Variants in PDE4D observed in about 807,000 individuals in gnomAD.
PDE4D encodes the protein phosphodiesterase 4D.
Under a neutral mutation model 87.4 loss-of-function variants are expected in PDE4D, and 24 were observed. The observed-to-expected ratio is 0.27, with a 90% CI of 0.20 to 0.39. The LOEUF is 0.39. Ranked by LOEUF, PDE4D falls within the 10% of genes least tolerant of loss-of-function variation. The pLI, the probability that PDE4D is intolerant of heterozygous loss-of-function variation, is 1.00. For missense variants in PDE4D, 714 were observed against 1,041.0 expected, an observed-to-expected ratio of 0.69 and a Z score of 4.32; for synonymous variants, 384 against 383.2, an observed-to-expected ratio of 1.00 and a Z score of -0.02.
At chr5:60,514,706 C>CA (rs959864166) in intron 1 of PDE4D, among the ~76,000 whole-genome samples, 3 of 149,702 alleles carry the variant, frequency 2.0e-5, no homozygotes, top group Admixed American at 6.6e-5. Context: ...AAGGTGTTTA[C>CA]AAAAAAAATT....
intron 1 of PDE4D, among the ~76,000 whole-genome samples, chr5:59,327,410 G>A (rs576894807): frequency 2.6e-5 from 4 of 152,076 alleles, no homozygotes; most frequent in Non-Finnish European, 5.9e-5. Context: ...CAGAGCCCAG[G>A]AGACTGGGGG....
At chr5:59,917,346 A>G (rs905928186) in intron 3 of PDE4D, among the ~76,000 whole-genome samples, 5 of 152,068 alleles carry the variant, frequency 3.3e-5, no homozygotes, top group East Asian at 3.9e-4. Context: ...GCTGGTCTCA[A>G]TGGGGAACAA....
intron 1 of PDE4D, among the ~76,000 whole-genome samples, chr5:59,754,498 C>G (rs1195260004): frequency 6.6e-6 from 1 of 152,096 alleles, no homozygotes; most frequent in South Asian, 2.1e-4. Flanking sequence ...GGGCCTTGTG[C>G]TGGATTGAAT....
At chr5:60,048,866 G>A (rs1270276469) in intron 2 of PDE4D, among the ~76,000 whole-genome samples, 1 of 152,130 alleles carries the variant, frequency 6.6e-6, no homozygotes, top group Admixed American at 6.5e-5. Context: ...TTCTCGAGGA[G>A]TATCTTTTTG....
chr5:60,503,763 T>C (rs1750203147), intron 1 of PDE4D, among the ~76,000 whole-genome samples: 1 of 152,122 alleles, frequency 6.6e-6, no homozygotes, highest in Admixed American at 6.6e-5. Context: ...GGAAGCAGAG[T>C]TGAAGATCAT....
intron 1 of PDE4D, among the ~76,000 whole-genome samples, chr5:59,703,204 CCATAATTG>C (rs567943672): frequency 3.9e-5 from 6 of 152,244 alleles, no homozygotes; most frequent in African/African-American, 1.4e-4. Context: ...CTGTTTTTGA[CCATAATTG>C]CACATGGATA....
intron 1 of PDE4D, among the ~76,000 whole-genome samples, chr5:59,219,731 A>C (rs1349145808): frequency 1.3e-5 from 2 of 152,190 alleles, no homozygotes; most frequent in African/African-American, 4.8e-5. Flanking sequence ...ATAGCATATA[A>C]ATACTAAAAC....
chr5:59,457,368 G>C lies in PDE4D; in HGVS notation c.456-241400C>G, dbSNP rs142703312. ...AGGCAATATTTTAAAATTAAGGTAT[G>C]CACGTTGTCTTCTAGACATGCTATT... On this transcript the variant is annotated intron_variant, in intron 1 of 14. Transcript: ENST00000340635. Among the ~76,000 whole-genome samples the C allele has an allele frequency of 1.1e-3, 173 of 152,328 alleles. 2 individuals carry two copies. Among genetic ancestry groups the C allele is most frequent in the African/African-American group, 3.9e-3 (161 of 41,582 alleles).
At chr5:59,765,848 AG>A (rs1430169439) in intron 1 of PDE4D, among the ~76,000 whole-genome samples, 1 of 152,234 alleles carries the variant, frequency 6.6e-6, no homozygotes, top group African/African-American at 2.4e-5. Context: ...TAGCTAAAAC[AG>A]ATGTCTTCCA....
At chr5:60,054,109 T>C (rs1389024118) in intron 2 of PDE4D, among the ~76,000 whole-genome samples, 2 of 152,160 alleles carry the variant, frequency 1.3e-5, no homozygotes, top group East Asian at 3.9e-4. Flanking sequence ...AGTTCAACCA[T>C]TGTGGAAGAT....
In PDE4D at chr5:59,783,659, C is replaced by G. The variant is rs146193533; in HGVS notation, c.455+109509G>C. Among the ~76,000 whole-genome samples the G allele has an allele frequency of 2.0e-3, 311 of 152,286 alleles. 4 individuals carry two copies. Among genetic ancestry groups the G allele is most frequent in the East Asian group, 5.8e-4 (3 of 5,184 alleles). On this transcript the variant is annotated intron_variant, in intron 1 of 14. Transcript: ENST00000340635. ...TGAAAGGAAAAATATCAATTTCTATCTAAATTGGAGTAAGATTCCATTCAG... is the reference window on the plus strand; with the variant it reads ...TGAAAGGAAAAATATCAATTTCTATGTAAATTGGAGTAAGATTCCATTCAG...
At chr5:59,700,749 A>C (rs1283338658) in intron 1 of PDE4D, among the ~76,000 whole-genome samples, 1 of 152,150 alleles carries the variant, frequency 6.6e-6, no homozygotes, top group East Asian at 1.9e-4. Context: ...TCAGTAAATG[A>C]CTGGTCCCCT....
chr5:59,405,087 AT>A (rs1791385534), intron 1 of PDE4D, among the ~76,000 whole-genome samples: 1 of 80,574 alleles, frequency 1.2e-5, no homozygotes, highest in African/African-American at 7.0e-5. Context: ...TTATACATGA[AT>A]TTTAAGATAT....
At chr5:60,232,582 A>G (rs72755106) in intron 1 of PDE4D, among the ~76,000 whole-genome samples, 1 of 152,020 alleles carries the variant, frequency 6.6e-6, no homozygotes, top group Non-Finnish European at 1.5e-5. Context: ...CCACACTGCA[A>G]TGAAAAAGGC....
At chr5:60,035,267 A>C (rs1767671595) in intron 2 of PDE4D, among the ~76,000 whole-genome samples, 1 of 152,172 alleles carries the variant, frequency 6.6e-6, no homozygotes, top group African/African-American at 2.4e-5. Context: ...AAAAAAAAAA[A>C]AAAGGGCATA....
upstream of PDE4D, among the ~76,000 whole-genome samples, chr5:59,894,764 G>T (rs749311210): frequency 1.3e-5 from 2 of 152,168 alleles, no homozygotes; most frequent in African/African-American, 2.4e-5. Flanking sequence ...AATATTCACA[G>T]AAATTAGAGT....
chr5:59,127,033 G>C (rs1775504219), intron 5 of PDE4D, among the ~76,000 whole-genome samples: 1 of 152,196 alleles, frequency 6.6e-6, no homozygotes, highest in African/African-American at 2.4e-5. Flanking sequence ...ACATTTTCCA[G>C]TCCAGGTAAC....
intron 2 of PDE4D, among the ~76,000 whole-genome samples, chr5:60,105,851 A>C (rs1562099501): frequency 6.6e-6 from 1 of 152,226 alleles, no homozygotes; most frequent in African/African-American, 2.4e-5. Context: ...AGAGCTCCAG[A>C]AGGAAGCACT....
chr5:60,074,940 T>A (rs1429903316), intron 2 of PDE4D, among the ~76,000 whole-genome samples: 1 of 152,158 alleles, frequency 6.6e-6, no homozygotes, highest in Non-Finnish European at 1.5e-5. Flanking sequence ...TACCATTGGG[T>A]CATTCTTCTT....
Sources: allele counts gnomAD v4.1 joint callset (sites outside exome capture counted in the v4.1 genomes callset), GRCh38; gene constraint gnomAD v4.1.1; transcripts MANE v1.5; gene names NCBI Gene and HGNC (gene_info 2026-07-23, HGNC 2026-07-21).